Variants in SLC9C2 observed in about 807,000 individuals in gnomAD.
SLC9C2 encodes the protein sodium/hydrogen exchanger 11.
In SLC9C2, 75 loss-of-function variants were observed where a neutral mutation model predicts 140.2. The observed-to-expected ratio is 0.53, with a 90% CI of 0.44 to 0.65. The LOEUF (loss-of-function observed/expected upper bound fraction) is 0.65, where lower values mean the gene tolerates loss of function less well. SLC9C2 is among the 30% of genes least tolerant of loss of function. The probability of loss-of-function intolerance (pLI) is 0.00; values close to 1 mark genes in which losing one functional copy is unlikely to be tolerated. For synonymous variants in SLC9C2, 375 were observed against 420.9 expected (o/e 0.89, Z 1.34); for missense variants, 1,074 against 1,331.8 (o/e 0.81, Z 3.01).
At chr1:173,581,800 A>G (rs1047878300) in intron 7 of SLC9C2, 47 bp downstream of exon 7, 1 of 1,426,216 alleles carries the variant, frequency 7.0e-7, no homozygotes, top group African/African-American at 1.4e-5. Context: ...AAACATGTAT[A>G]AAACTTACTT....
chr1:173,517,148 T>A (rs144010329), intron 23 of SLC9C2, among the ~76,000 whole-genome samples: 4 of 152,242 alleles, frequency 2.6e-5, no homozygotes, highest in Non-Finnish European at 5.9e-5. Flanking sequence ...TTTTGCCCAC[T>A]TTTTAATGGA....
At chr1:173,548,272 T>C in intron 12 of SLC9C2, 117 bp downstream of exon 12, 1 of 1,004,788 alleles carries the variant, frequency 1.0e-6, no homozygotes, top group Non-Finnish European at 1.5e-6. Flanking sequence ...AGTAACTATC[T>C]CCCCTCAGTT....
At chr1:173,537,568 T>G (rs1234071387) in intron 13 of SLC9C2, among the ~76,000 whole-genome samples, 1 of 150,786 alleles carries the variant, frequency 6.6e-6, no homozygotes, top group Non-Finnish European at 1.5e-5. Flanking sequence ...TCTCAAAAAT[T>G]TATATGTGTG....
chr1:173,522,224 A>G (rs76305619), intron 21 of SLC9C2, among the ~76,000 whole-genome samples: 1 of 40,198 alleles, frequency 2.5e-5, no homozygotes, highest in African/African-American at 2.2e-4. Context: ...TCCATCTCAA[A>G]AAAAAAAAAA....
chr1:173,557,117 G>A (rs145124989), intron 10 of SLC9C2, among the ~76,000 whole-genome samples: 124 of 152,246 alleles, frequency 8.1e-4, no homozygotes, highest in Admixed American at 1.7e-3. Context: ...CCAGATCAGA[G>A]CCCAAGTTTA....
intron 13 of SLC9C2, among the ~76,000 whole-genome samples, chr1:173,538,249 G>A (rs531490297): frequency 7.2e-5 from 11 of 152,282 alleles, no homozygotes; most frequent in African/African-American, 1.7e-4. Context: ...GTAAGCCTCC[G>A]TGATGGCCCT....
At chr1:173,590,997 C>T (rs763911591) in intron 4 of SLC9C2, among the ~76,000 whole-genome samples, 4 of 152,068 alleles carry the variant, frequency 2.6e-5, no homozygotes, top group Non-Finnish European at 5.9e-5. Context: ...TTTTTCATCA[C>T]CCAGGTACTA....
intron 15 of SLC9C2, among the ~76,000 whole-genome samples, chr1:173,535,154 A>T (rs1190781245): frequency 6.6e-6 from 1 of 152,094 alleles, no homozygotes; most frequent in Non-Finnish European, 1.5e-5. Context: ...TTTTTTGTAT[A>T]TCTCTTTAAA....
chr1:173,573,138 G>A (rs749875583), intron 9 of SLC9C2, 44 bp downstream of exon 9: 19 of 1,366,118 alleles, frequency 1.4e-5, no homozygotes, highest in Admixed American at 4.8e-5. Flanking sequence ...TTCTGGCCTT[G>A]AGAATCTCAG....
intron 19 of SLC9C2, 123 bp from the exon 20 acceptor site, chr1:173,525,050 A>T: frequency 9.4e-7 from 1 of 1,062,420 alleles, no homozygotes; most frequent in Non-Finnish European, 1.3e-6. Flanking sequence ...AGTTTCATGC[A>T]GAACTCATGA....
chr1:173,532,341 T>A (rs947355487), intron 17 of SLC9C2, among the ~76,000 whole-genome samples: 2 of 152,180 alleles, frequency 1.3e-5, no homozygotes, highest in African/African-American at 4.8e-5. Flanking sequence ...ACAACAAACA[T>A]GGCATGGCAA....
intron 17 of SLC9C2, among the ~76,000 whole-genome samples, chr1:173,533,201 G>A (rs946007434): frequency 8.5e-5 from 13 of 152,074 alleles, no homozygotes; most frequent in African/African-American, 2.7e-4. Flanking sequence ...TCAAAACAAT[G>A]AGGTTTCTTA....
intron 19 of SLC9C2, among the ~76,000 whole-genome samples, chr1:173,525,828 A>G (rs1661156181): frequency 6.6e-6 from 1 of 152,236 alleles, no homozygotes; most frequent in Non-Finnish European, 1.5e-5. Context: ...CTAATCTTTA[A>G]AAGCACAGAA....
At chr1:173,576,927 CT>C (rs1386830442) in intron 7 of SLC9C2, among the ~76,000 whole-genome samples, 167 bp from the exon 8 acceptor site, 1 of 152,300 alleles carries the variant, frequency 6.6e-6, no homozygotes, top group East Asian at 1.9e-4. Flanking sequence ...GGCTGGCAAA[CT>C]TTTTCTATAA....
chr1:173,534,876 A>T (rs1293259148), intron 15 of SLC9C2, among the ~76,000 whole-genome samples, 194 bp from the exon 16 acceptor site: 1 of 152,038 alleles, frequency 6.6e-6, no homozygotes, highest in African/African-American at 2.4e-5. Context: ...CATGATTTTT[A>T]AAAATCCATA....
At chr1:173,558,544 T>C (rs1663872585) in intron 9 of SLC9C2, among the ~76,000 whole-genome samples, 1 of 152,240 alleles carries the variant, frequency 6.6e-6, no homozygotes, top group South Asian at 2.1e-4. Flanking sequence ...CTCAGCTTCT[T>C]CATCTGTAAA....
At chr1:173,503,430 T>G in intron 26 of SLC9C2, 104 bp from the exon 27 acceptor site, 1 of 997,418 alleles carries the variant, frequency 1.0e-6, no homozygotes, top group Non-Finnish European at 1.5e-6. Flanking sequence ...CCCTATAAGT[T>G]TCCCTTTTCC....
intron 12 of SLC9C2, 132 bp downstream of exon 12, chr1:173,548,257 A>C (rs1662997258): frequency 1.1e-6 from 1 of 899,816 alleles, no homozygotes; most frequent in Non-Finnish European, 1.7e-6. Context: ...CAAAATAGCA[A>C]AGCCAGTAAC....
chr1:173,515,716 G>A (rs1660370627), intron 23 of SLC9C2, among the ~76,000 whole-genome samples: 2 of 152,140 alleles, frequency 1.3e-5, no homozygotes, highest in African/African-American at 4.8e-5. Context: ...GACAGGCATT[G>A]CGATCATGTA....
Sources: gnomAD v4.1 joint callset for allele counts (sites outside exome capture counted in the v4.1 genomes callset) on GRCh38, gnomAD v4.1.1 for gene constraint, MANE v1.5 for transcripts, NCBI Gene and HGNC (gene_info 2026-07-23, HGNC 2026-07-21) for gene names.